The following PPP1R3A variants were observed in gnomAD, a reference collection of about 807,000 sequenced individuals.
The protein encoded by PPP1R3A is protein phosphatase 1 regulatory subunit 3A.
Under a neutral mutation model 41.7 loss-of-function variants are expected in PPP1R3A, and 29 were observed. The ratio of observed to expected loss-of-function variants is 0.70; its 90% CI spans 0.52 to 0.95. The LOEUF (loss-of-function observed/expected upper bound fraction) is 0.95, where lower values mean the gene tolerates loss of function less well. Ranked by LOEUF, PPP1R3A falls within the 40% of genes least tolerant of loss-of-function variation. PPP1R3A has a pLI of 0.00. For missense variants in PPP1R3A, 1,352 were observed against 1,292.4 expected (o/e 1.05, Z -0.71); for synonymous variants, 485 against 453.4 (o/e 1.07, Z -0.89).
intron 1 of PPP1R3A, among the ~76,000 whole-genome samples, chr7:113,895,865 A>G (rs1401426717): frequency 6.6e-6 from 1 of 151,976 alleles, no homozygotes; most frequent in East Asian, 1.9e-4. Flanking sequence ...TAATGCTTTG[A>G]TGAACTTACG....
Position 113,877,881 on chromosome 7 carries a change from AT to A in PPP1R3A, c.3210del (p.Lys1070AsnfsTer14), listed in dbSNP as rs1479301227. 6.2e-7 allele frequency: 1 copy of A among 1,611,658 alleles called. No individual in the cohort carries two copies. The highest frequency in any genetic ancestry group is 8.5e-7 in the Non-Finnish European group (1 of 1,178,258). ...QAQGNESLFS[K>X]YTNSKIPYFL... is the part of the protein sequence containing the mutation. The stretch of plus-strand genomic sequence containing the variant: ...AAATAAGGTATTTTAGAGTTGGTAT[AT>A]TTTGAAAACAAAGATTCGTTGCCTT... On this transcript the variant is annotated frameshift_variant, in exon 4 of 4. Transcript: ENST00000284601. LOFTEE classifies it high-confidence loss of function.
chr7:113,908,800 T>C (rs971792327), intron 1 of PPP1R3A, among the ~76,000 whole-genome samples: 1 of 151,924 alleles, frequency 6.6e-6, no homozygotes, highest in African/African-American at 2.4e-5. Flanking sequence ...TATGGAATAC[T>C]ATGCACCCCT....
intron 1 of PPP1R3A, among the ~76,000 whole-genome samples, chr7:113,886,721 C>T (rs1042955509): frequency 2.1e-4 from 32 of 151,954 alleles, no homozygotes; most frequent in Non-Finnish European, 1.5e-5. Context: ...TACTCTCTGG[C>T]CCACATTAGA....
At chr7:113,908,620 T>G (rs1467434575) in intron 1 of PPP1R3A, among the ~76,000 whole-genome samples, 1 of 151,958 alleles carries the variant, frequency 6.6e-6, no homozygotes, top group East Asian at 1.9e-4. Context: ...GTAAACCAAT[T>G]TAAATTTCAG....
chr7:113,883,450 G>A (rs2129114506), intron 1 of PPP1R3A, among the ~76,000 whole-genome samples: 1 of 151,954 alleles, frequency 6.6e-6, no homozygotes, highest in South Asian at 2.1e-4. Context: ...AGATAATTCA[G>A]TTTTATATAT....
chr7:113,917,552 T>C (rs1219806141), intron 1 of PPP1R3A, among the ~76,000 whole-genome samples: 1 of 152,084 alleles, frequency 6.6e-6, no homozygotes, highest in Non-Finnish European at 1.5e-5. Context: ...TTCTGCTCCA[T>C]TGACTTTTAC....
intron 1 of PPP1R3A, among the ~76,000 whole-genome samples, chr7:113,885,719 T>C (rs1796773565): frequency 6.6e-6 from 1 of 151,424 alleles, no homozygotes; most frequent in Non-Finnish European, 1.5e-5. Flanking sequence ...TAATATTAAA[T>C]GAACCGTTCC....
chr7:113,887,346 A>G (rs1796802566), intron 1 of PPP1R3A, among the ~76,000 whole-genome samples: 2 of 151,984 alleles, frequency 1.3e-5, no homozygotes, highest in African/African-American at 4.8e-5. Context: ...AGTCATCTAT[A>G]TTATTTAATC....
chr7:113,892,802 A>G (rs1179065913), intron 1 of PPP1R3A, among the ~76,000 whole-genome samples: 1 of 152,072 alleles, frequency 6.6e-6, no homozygotes, highest in Non-Finnish European at 1.5e-5. Context: ...GCAAAAAATA[A>G]TCTCAAGAGA....
chr7:113,880,699 C>G (rs992134459), intron 3 of PPP1R3A, among the ~76,000 whole-genome samples: 1 of 126,716 alleles, frequency 7.9e-6, no homozygotes, highest in African/African-American at 3.0e-5. Context: ...CAGGATTTAA[C>G]AGTGAGATGC....
intron 1 of PPP1R3A, among the ~76,000 whole-genome samples, chr7:113,900,939 GT>G (rs569634547): frequency 1.7e-3 from 255 of 150,634 alleles, no homozygotes; most frequent in Middle Eastern, 6.8e-3. Context: ...CAATGATTAA[GT>G]TTTTTTTTAA....
At position 113,879,088 on chromosome 7, in the gene PPP1R3A, A is replaced by G; in HGVS notation, c.2004T>C (p.Asn668=). 6.2e-7 allele frequency: 1 copy of G among 1,613,708 alleles called. No homozygotes were observed. The highest frequency in any genetic ancestry group is 8.5e-7 in the Non-Finnish European group (1 of 1,179,780). Residue 668 remains asparagine (N), a synonymous_variant, in exon 4 of 4, where the codon AAT becomes AAC. Coordinates refer to ENST00000284601, the MANE Select transcript of PPP1R3A (RefSeq NM_002711.4). ...VLESQGKSRE[N]KTNITEHIKG... ...TGATATGCTCTGTTATGTTTGTCTT[A>G]TTCTCTCTTGATTTTCCCTGACTTT...
intron 1 of PPP1R3A, among the ~76,000 whole-genome samples, chr7:113,900,642 C>A (rs1797046418): frequency 6.8e-6 from 1 of 147,988 alleles, no homozygotes; most frequent in Non-Finnish European, 1.5e-5. Flanking sequence ...TATGACATAT[C>A]AAAAATGTAT....
chr7:113,910,462 C>T (rs1476463049), intron 1 of PPP1R3A, among the ~76,000 whole-genome samples: 1 of 151,922 alleles, frequency 6.6e-6, no homozygotes, highest in Non-Finnish European at 1.5e-5. Context: ...ATCTTATGCA[C>T]CTACTTAAGA....
chr7:113,905,258 T>C (rs915090902), intron 1 of PPP1R3A, among the ~76,000 whole-genome samples: 5 of 151,750 alleles, frequency 3.3e-5, no homozygotes, highest in African/African-American at 1.2e-4. Flanking sequence ...GTCATAAAAA[T>C]ATTATAATTT....
At chr7:113,908,535 A>G (rs1797184147) in intron 1 of PPP1R3A, among the ~76,000 whole-genome samples, 1 of 152,010 alleles carries the variant, frequency 6.6e-6, no homozygotes, top group Admixed American at 6.6e-5. Flanking sequence ...CACAAAGTCA[A>G]GAAATTTAGT....
Position 113,918,489 on chromosome 7 carries a change from A to G in PPP1R3A, c.508T>C (p.Tyr170His). Residue 170 changes from tyrosine to histidine, a missense_variant, in exon 1 of 4, where the codon TAT becomes CAT. Coordinates refer to ENST00000284601, the MANE Select transcript of PPP1R3A (RefSeq NM_002711.4). ...GGAACATATTCTGCTAAAATGTCATAATGTGTCTGCCAGTCATCTAAAGAC... is the reference window on the plus strand; with the variant it reads ...GGAACATATTCTGCTAAAATGTCATGATGTGTCTGCCAGTCATCTAAAGAC... ...RMSLDDWQTH[Y>H]DILAEYVPNS... 2 of 1,613,226 alleles carry G rather than the reference A, an allele frequency of 1.2e-6. No individual in the cohort carries two copies. Among genetic ancestry groups the G allele is most frequent in the Non-Finnish European group, 1.7e-6 (2 of 1,179,662 alleles).
At position 113,877,326 on chromosome 7, in the gene PPP1R3A, T is replaced by C; in HGVS notation, c.*397A>G. On this transcript the variant is annotated 3_prime_UTR_variant, in exon 4 of 4. Transcript: ENST00000284601. ...CCTCTGCCATTGTCCATGTTTTATC[T>C]GTTTTTTAAAACCGTAGGGGAAAAT... The C allele has an allele frequency of 6.3e-6, 1 of 157,520 alleles. No individual in the cohort carries two copies. The highest frequency in any genetic ancestry group is 1.4e-5 in the Non-Finnish European group (1 of 71,884). 9.8% of individuals were successfully genotyped at this position (157,520 alleles called of 1,614,324 possible).
intron 1 of PPP1R3A, among the ~76,000 whole-genome samples, chr7:113,885,686 A>G (rs1167247883): frequency 6.6e-6 from 1 of 151,692 alleles, no homozygotes; most frequent in Non-Finnish European, 1.5e-5. Context: ...AGAAACACAC[A>G]ATATGGATAA....
Sources: allele counts gnomAD v4.1 joint callset (sites outside exome capture counted in the v4.1 genomes callset), GRCh38; gene constraint gnomAD v4.1.1; transcripts MANE v1.5; gene names NCBI Gene and HGNC (gene_info 2026-07-23, HGNC 2026-07-21).